The following ELAPOR2 variants were observed in gnomAD, a reference collection of about 807,000 sequenced individuals.
ELAPOR2 encodes the protein endosome-lysosome associated apoptosis and autophagy regulator family member 2.
In ELAPOR2, 89 loss-of-function variants were observed where a neutral mutation model predicts 120.7. The ratio of observed to expected loss-of-function variants is 0.74; its 90% CI spans 0.62 to 0.88. ELAPOR2 has a LOEUF of 0.88. ELAPOR2 is among the 40% of genes least tolerant of loss of function. The probability of loss-of-function intolerance (pLI) is 0.00; values close to 1 mark genes in which losing one functional copy is unlikely to be tolerated. For missense variants in ELAPOR2, 1,134 were observed against 1,251.6 expected, an observed-to-expected ratio of 0.91 and a Z score of 1.42; for synonymous variants, 444 against 444.9, an observed-to-expected ratio of 1.00 and a Z score of 0.03.
In ELAPOR2 at chr7:86,986,449, C is replaced by A. The variant is rs1295459309; in HGVS notation, c.190-21425G>T. On this transcript the variant is annotated intron_variant, in intron 1 of 21. Transcript: ENST00000450689. ...GTCTCAAAAAAAAAAAAAAAGAAAACCCCATTGTCTCAGCCCAAAATCTCC... is the reference window on the plus strand; with the variant it reads ...GTCTCAAAAAAAAAAAAAAAGAAAAACCCATTGTCTCAGCCCAAAATCTCC... Among the ~76,000 whole-genome samples the A allele has an allele frequency of 1.5e-5, 2 of 130,312 alleles. 1 individual carries two copies. The highest frequency in any genetic ancestry group is 6.5e-5 in the African/African-American group (2 of 30,592). The allele number at this position is 130,312 out of a possible 152,430, so 85.5% of individuals were successfully genotyped here.
intron 21 of ELAPOR2, among the ~76,000 whole-genome samples, chr7:86,889,571 G>A (rs954174689): frequency 5.6e-4 from 85 of 151,778 alleles, no homozygotes; most frequent in Non-Finnish European, 8.7e-4. Flanking sequence ...ATTTACTTCC[G>A]GGGGGGACAA....
chr7:87,039,712 T>C (rs1794700049), intron 1 of ELAPOR2, among the ~76,000 whole-genome samples: 1 of 152,152 alleles, frequency 6.6e-6, no homozygotes, highest in Non-Finnish European at 1.5e-5. Flanking sequence ...AACATCCCTT[T>C]ATGATAAAAA....
intron 18 of ELAPOR2, among the ~76,000 whole-genome samples, chr7:86,905,131 G>GGAAGGAAGGAAAGA (rs1562910052): frequency 3.5e-5 from 5 of 142,156 alleles, no homozygotes; most frequent in Admixed American, 2.8e-4. Context: ...AGGAAGGAAA[G>GGAAGGAAGGAAAGA]AAAGAAAAGA....
At chr7:86,923,080 A>G (rs544099966) in intron 10 of ELAPOR2, among the ~76,000 whole-genome samples, 2 of 152,026 alleles carry the variant, frequency 1.3e-5, no homozygotes, top group African/African-American at 4.8e-5. Flanking sequence ...TTACTATATA[A>G]TCTATTTCCT....
chr7:86,904,311 T>A (rs1788866127), intron 18 of ELAPOR2, among the ~76,000 whole-genome samples: 1 of 152,162 alleles, frequency 6.6e-6, no homozygotes, highest in African/African-American at 2.4e-5. Flanking sequence ...TTCTTCCCAA[T>A]AAAAGGAGAG....
intron 2 of ELAPOR2, among the ~76,000 whole-genome samples, chr7:86,953,720 T>C (rs926790363): frequency 6.6e-6 from 1 of 152,226 alleles, no homozygotes; most frequent in Admixed American, 6.5e-5. Context: ...TAATTTTTCT[T>C]CTTCAACAAC....
chr7:87,049,018 A>C (rs1471375153), intron 1 of ELAPOR2, among the ~76,000 whole-genome samples: 1 of 152,232 alleles, frequency 6.6e-6, no homozygotes, highest in Non-Finnish European at 1.5e-5. Context: ...AATTTAAAAC[A>C]GCCTATGTGC....
At position 86,883,987 on chromosome 7, in the gene ELAPOR2, A is replaced by G. The variant is rs903837939; in HGVS notation, c.3031-3457T>C. Among the ~76,000 whole-genome samples, 9 of 152,348 alleles carry G rather than the reference A, an allele frequency of 5.9e-5. No individual in the cohort carries two copies. In the South Asian group the frequency reaches 6.2e-4, roughly 11 times the overall value. ...GCAATTTACTTTGAAACCGAACAAC[A>G]GAAAAGAATATGGGTTGATGAAAGG... is the stretch of plus-strand genomic sequence containing the variant. On this transcript the variant is annotated intron_variant, in intron 21 of 21. Transcript: ENST00000450689.
At chr7:86,981,943 G>A (rs977679140) in intron 1 of ELAPOR2, among the ~76,000 whole-genome samples, 3 of 152,196 alleles carry the variant, frequency 2.0e-5, no homozygotes, top group Admixed American at 1.3e-4. Flanking sequence ...GGAAAATCAG[G>A]ACACTCCTGC....
At chr7:86,933,756 C>A (rs1041217542) in intron 8 of ELAPOR2, among the ~76,000 whole-genome samples, 8 of 151,986 alleles carry the variant, frequency 5.3e-5, no homozygotes, top group Non-Finnish European at 7.4e-5. Flanking sequence ...GATTTTTGAG[C>A]CATGCTCCCA....
At chr7:86,997,048 A>T (rs542120703) in intron 1 of ELAPOR2, among the ~76,000 whole-genome samples, 1 of 152,264 alleles carries the variant, frequency 6.6e-6, no homozygotes, top group Admixed American at 6.5e-5. Context: ...TATACTTTAC[A>T]TGTCCCTCTC....
intron 12 of ELAPOR2, among the ~76,000 whole-genome samples, chr7:86,917,580 G>A (rs1789623014): frequency 6.6e-6 from 1 of 152,196 alleles, no homozygotes; most frequent in African/African-American, 2.4e-5. Flanking sequence ...TAAGGAGGCA[G>A]ACTTGGGAGA....
chr7:87,023,313 A>G (rs1052982040), intron 1 of ELAPOR2, among the ~76,000 whole-genome samples: 4 of 152,212 alleles, frequency 2.6e-5, no homozygotes, highest in African/African-American at 9.7e-5. Flanking sequence ...ACCATTTATT[A>G]AATAGGGAAT....
intron 1 of ELAPOR2, among the ~76,000 whole-genome samples, chr7:87,036,562 G>C (rs1794594112): frequency 6.6e-6 from 1 of 152,092 alleles, no homozygotes; most frequent in African/African-American, 2.4e-5. Flanking sequence ...ATTAGATAAA[G>C]AAAATGTGGT....
chr7:87,012,381 G>T (rs1047264616), intron 1 of ELAPOR2, among the ~76,000 whole-genome samples: 3 of 152,138 alleles, frequency 2.0e-5, no homozygotes, highest in African/African-American at 7.2e-5. Context: ...TGACACTCTA[G>T]CCTGGTGACA....
chr7:86,944,531 T>TA (rs1387417844), intron 4 of ELAPOR2, among the ~76,000 whole-genome samples: 1 of 152,058 alleles, frequency 6.6e-6, no homozygotes, highest in Non-Finnish European at 1.5e-5. Context: ...AAAATTGGTT[T>TA]AAAAAACACA....
At chr7:86,894,396 C>T (rs1584315200) in intron 19 of ELAPOR2, among the ~76,000 whole-genome samples, 1 of 151,988 alleles carries the variant, frequency 6.6e-6, no homozygotes, top group African/African-American at 2.4e-5. Flanking sequence ...GAAACAAATT[C>T]GTCAGCAAAT....
chr7:86,907,696 A>T lies in ELAPOR2; in HGVS notation c.2532T>A (p.Ser844=). The T allele has an allele frequency of 6.3e-7, 1 of 1,580,462 alleles. No individual in the cohort carries two copies. ...AVKMRCNPTK[S]GAGVISVPSK... is the part of the protein sequence containing the mutation. ...TGGGGACTGAAATCACTCCTGCTCC[A>T]GATTTAGTAGGATTACACCTCATTT... Residue 844 remains serine (S), a synonymous_variant, in exon 18 of 22, where the codon TCT becomes TCA. Coordinates refer to ENST00000450689, the MANE Select transcript of ELAPOR2 (RefSeq NM_001142749.3).
chr7:86,963,388 C>G (rs1426633547), intron 2 of ELAPOR2, among the ~76,000 whole-genome samples: 1 of 152,112 alleles, frequency 6.6e-6, no homozygotes, highest in Non-Finnish European at 1.5e-5. Flanking sequence ...CAGTGCTATG[C>G]TGATAAGTAT....
Sources: allele counts gnomAD v4.1 joint callset (sites outside exome capture counted in the v4.1 genomes callset), GRCh38; gene constraint gnomAD v4.1.1; transcripts MANE v1.5; gene names NCBI Gene and HGNC (gene_info 2026-07-23, HGNC 2026-07-21).